PTPN13: variants seen among roughly 807,000 people sequenced by gnomAD.
PTPN13 encodes tyrosine-protein phosphatase non-receptor type 13.
In PTPN13, 191 loss-of-function variants were observed where a neutral mutation model predicts 284.0. The ratio of observed to expected loss-of-function variants is 0.67; its 90% CI spans 0.60 to 0.76. PTPN13 has a LOEUF of 0.76. Among genes scored for constraint, PTPN13 ranks in the 30% least tolerant of loss-of-function variants. PTPN13 has a pLI of 0.00. For missense variants in PTPN13, 2,797 were observed against 2,939.9 expected, an observed-to-expected ratio of 0.95 and a Z score of 1.12; for synonymous variants, 986 against 1,022.3, an observed-to-expected ratio of 0.96 and a Z score of 0.68.
At chr4:86,801,837 A>G (rs28452829) in intron 42 of PTPN13, among the ~76,000 whole-genome samples, 2,359 of 152,264 alleles carry the variant, frequency 0.015, 76 homozygotes, top group African/African-American at 0.054. Flanking sequence ...TATCTGAAAT[A>G]TGTTTGGTTT....
intron 2 of PTPN13, among the ~76,000 whole-genome samples, chr4:86,666,247 C>T (rs1417284533): frequency 6.6e-6 from 1 of 152,082 alleles, no homozygotes; most frequent in Non-Finnish European, 1.5e-5. Flanking sequence ...ATGAAGCTGA[C>T]AAGTTTCTCT....
chr4:86,621,690 A>C (rs1324873110), intron 1 of PTPN13, among the ~76,000 whole-genome samples: 2 of 152,138 alleles, frequency 1.3e-5, no homozygotes, highest in Non-Finnish European at 2.9e-5. Context: ...ATATAGAGTA[A>C]AGCACTGCAT....
At chr4:86,744,600 T>G (rs910549822) in intron 16 of PTPN13, among the ~76,000 whole-genome samples, 3 of 152,240 alleles carry the variant, frequency 2.0e-5, no homozygotes, top group East Asian at 3.8e-4. Flanking sequence ...AAGATTATAA[T>G]GTTGTATCTT....
At chr4:86,786,062 G>A (rs921182625) in intron 40 of PTPN13, 126 bp downstream of exon 40, 1 of 451,926 alleles carries the variant, frequency 2.2e-6, no homozygotes, top group South Asian at 8.9e-5. Context: ...GAGGAAAACG[G>A]AGATTAATTT....
chr4:86,690,522 T>C (rs7654333), intron 5 of PTPN13, among the ~76,000 whole-genome samples: 5 of 152,030 alleles, frequency 3.3e-5, no homozygotes, highest in Non-Finnish European at 7.4e-5. Context: ...GTCTTGGAGG[T>C]CTTTTTTTCA....
chr4:86,763,377 T>C (rs1426540441), intron 24 of PTPN13, among the ~76,000 whole-genome samples, 187 bp downstream of exon 24: 1 of 152,216 alleles, frequency 6.6e-6, no homozygotes, highest in Admixed American at 6.5e-5. Context: ...GGATAATAAC[T>C]TTAAATGGCT....
At chr4:86,735,420 C>T (rs796129228) in intron 14 of PTPN13, among the ~76,000 whole-genome samples, 174 bp from the exon 15 acceptor site, 3 of 152,314 alleles carry the variant, frequency 2.0e-5, no homozygotes, top group African/African-American at 7.2e-5. Context: ...CATTTTATCT[C>T]ACTGAATAGA....
chr4:86,700,071 T>C (rs1022428626), intron 6 of PTPN13, among the ~76,000 whole-genome samples: 2 of 152,184 alleles, frequency 1.3e-5, no homozygotes, highest in African/African-American at 2.4e-5. Context: ...GCACAATGTT[T>C]TAATCTTATC....
At chr4:86,689,781 T>C (rs1485169166) in intron 5 of PTPN13, 1 of 701,730 alleles carries the variant, frequency 1.4e-6, no homozygotes. Context: ...TAACCAATGC[T>C]ATATATTACC....
intron 17 of PTPN13, among the ~76,000 whole-genome samples, chr4:86,749,145 A>G (rs781152023): frequency 6.6e-6 from 1 of 152,110 alleles, no homozygotes; most frequent in Non-Finnish European, 1.5e-5. Context: ...CTACCTCTTT[A>G]TGCCTGAGAG....
At chr4:86,699,175 C>T (rs1578439725) in intron 6 of PTPN13, among the ~76,000 whole-genome samples, 2 of 152,042 alleles carry the variant, frequency 1.3e-5, no homozygotes, top group East Asian at 3.9e-4. Flanking sequence ...ATCACGAGGT[C>T]AGGAGATCAA....
Position 86,784,399 on chromosome 4 carries a change from G to T in PTPN13, c.6025-66G>T, listed in dbSNP as rs1025394617. The T allele has an allele frequency of 8.0e-6, 8 of 999,978 alleles. No homozygotes were observed. In the African/African-American group the frequency reaches 1.1e-4, roughly 14 times the overall value. 61.9% of individuals were successfully genotyped at this position (999,978 alleles called of 1,614,324 possible). On this transcript the variant is annotated intron_variant, in intron 37 of 47. Coordinates refer to ENST00000411767, the MANE Select transcript of PTPN13 (RefSeq NM_080683.3). ...AGAAAGAAGAGGAGAGAGACAATGTGCAGTCCCCCGATCCTGGAAGTTAGT... is the reference window on the plus strand; with the variant it reads ...AGAAAGAAGAGGAGAGAGACAATGTTCAGTCCCCCGATCCTGGAAGTTAGT...
chr4:86,741,175 C>A (rs1578546888), intron 15 of PTPN13, among the ~76,000 whole-genome samples: 1 of 152,190 alleles, frequency 6.6e-6, no homozygotes, highest in African/African-American at 2.4e-5. Flanking sequence ...ACTTCCACAT[C>A]TTCAGGTATC....
rs1406629012 is a variant in PTPN13 at position 86,759,069 on chromosome 4, C to A, written c.3549C>A (p.Ser1183=). The change falls in exon 23 of 48, where the codon TCC becomes TCA. Residue 1183 remains serine, a synonymous_variant. Coordinates refer to ENST00000411767, the MANE Select transcript of PTPN13 (RefSeq NM_080683.3). The stretch of plus-strand genomic sequence containing the variant: ...TCTCTCAGCCAAAAGAAAAGATATC[C>A]AAAGGTAATGTGAATGTCTCTTACT... ...LVISQPKEKI[S]KVPSTPVHLT... 1 of 1,612,308 alleles carries A rather than the reference C, an allele frequency of 6.2e-7. No homozygotes were observed. Among genetic ancestry groups the A allele is most frequent in the South Asian group, 1.1e-5 (1 of 90,776 alleles).
intron 1 of PTPN13, among the ~76,000 whole-genome samples, chr4:86,603,291 C>T (rs115845267): frequency 0.086 from 12,742 of 147,484 alleles, 729 homozygotes; most frequent in Non-Finnish European, 0.13. Context: ...GTTTACCCTT[C>T]TGAAGTGTCT....
At chr4:86,754,736 C>T (rs1737780469) in intron 20 of PTPN13, among the ~76,000 whole-genome samples, 1 of 152,002 alleles carries the variant, frequency 6.6e-6, no homozygotes, top group Non-Finnish European at 1.5e-5. Flanking sequence ...TGTGTTTTAG[C>T]TTAGATTATG....
intron 40 of PTPN13, among the ~76,000 whole-genome samples, chr4:86,789,053 A>G (rs1247050646): frequency 6.6e-6 from 1 of 152,214 alleles, no homozygotes; most frequent in Non-Finnish European, 1.5e-5. Context: ...TAGCAGAGGA[A>G]TGAAGGCATA....
At chr4:86,693,740 A>G (rs1473069817) in intron 6 of PTPN13, 66 bp downstream of exon 6, 30 of 1,166,684 alleles carry the variant, frequency 2.6e-5, no homozygotes, top group Non-Finnish European at 1.2e-6. Flanking sequence ...TTACAAAATT[A>G]TACTTACCTG....
rs112775848 is a variant in PTPN13, at chr4:86,793,702, A to C, written c.6346-3172A>C. Reference sequence around the variant, plus strand: ...ATTAGAACTCAGGATTAATAAACTTACTCAAAACCACACAACTACATGGAA... The same window carrying C: ...ATTAGAACTCAGGATTAATAAACTTCCTCAAAACCACACAACTACATGGAA... On this transcript the variant is annotated intron_variant, in intron 40 of 47. Coordinates refer to ENST00000411767, the MANE Select transcript of PTPN13 (RefSeq NM_080683.3). Among the ~76,000 whole-genome samples, 194 of 152,310 alleles carry C rather than the reference A, an allele frequency of 1.3e-3. 2 individuals are homozygous for C. The highest frequency in any genetic ancestry group is 4.4e-3 in the African/African-American group (184 of 41,548).
Sources: allele counts gnomAD v4.1 joint callset (sites outside exome capture counted in the v4.1 genomes callset), GRCh38; gene constraint gnomAD v4.1.1; transcripts MANE v1.5; gene names NCBI Gene and HGNC (gene_info 2026-07-23, HGNC 2026-07-21).